Variants in CACNA1B observed in about 807,000 individuals in gnomAD.
The protein encoded by CACNA1B is voltage-dependent N-type calcium channel subunit alpha-1B.
CACNA1B carries 70 observed loss-of-function variants against 247.2 expected under a neutral mutation model. That is an observed-to-expected ratio of 0.28 (90% CI 0.23 to 0.35). The LOEUF (loss-of-function observed/expected upper bound fraction) is 0.35. Ranked by LOEUF, CACNA1B falls within the 10% of genes least tolerant of loss-of-function variation. The pLI, the probability that CACNA1B is intolerant of heterozygous loss-of-function variation, is 1.00. For missense variants in CACNA1B, 2,367 were observed against 3,197.4 expected (o/e 0.74, Z 6.26); for synonymous variants, 1,231 against 1,294.4 (o/e 0.95, Z 1.05).
rs550529703 is a variant in CACNA1B at position 138,069,762 on chromosome 9, C to T, written c.4673C>T (p.Thr1558Met). The change falls in exon 32 of 47, where the codon ACG becomes ATG. Residue 1558 changes from threonine (T) to methionine (M), a missense_variant and splice_region_variant. Around this residue, in one of 12 missense-constraint regions of CACNA1B, gnomAD observed 436 missense variants for 679.5 expected, o/e 0.64. Coordinates refer to ENST00000371372, the MANE Select transcript of CACNA1B (RefSeq NM_000718.4). ...TDILVTEIAE[T>M]NNFINLSFLR... Reference sequence around the variant, plus strand: ...CCATGAAAACATCACATGTAGGAAACGGTTGGTTTCACGACTCTGAACGGT... The same window carrying T: ...CCATGAAAACATCACATGTAGGAAATGGTTGGTTTCACGACTCTGAACGGT... 6.8e-6 allele frequency: 11 copies of T among 1,609,374 alleles called. No individual in the cohort carries two copies. The highest frequency in any genetic ancestry group is 3.3e-5 in the South Asian group (3 of 90,880).
intron 12 of CACNA1B, among the ~76,000 whole-genome samples, chr9:137,978,595 A>G (rs1265242359): frequency 6.6e-6 from 1 of 152,226 alleles, no homozygotes; most frequent in Middle Eastern, 3.2e-3. Context: ...CAGAGTTTAC[A>G]GGAGCCAGAG....
At chr9:137,935,844 G>T (rs556361399) in intron 6 of CACNA1B, among the ~76,000 whole-genome samples, 1 of 151,466 alleles carries the variant, frequency 6.6e-6, no homozygotes, top group African/African-American at 2.4e-5. Context: ...GCATGATCTC[G>T]GCTCACTGCC....
chr9:138,023,523 C>T lies in CACNA1B; in HGVS notation c.2780C>T (p.Ala927Val). Residue 927 changes from alanine (A) to valine (V), a missense_variant, in exon 19 of 47, where the codon GCG becomes GTG. This residue lies in a region of CACNA1B where 631 missense variants were observed against 631.1 expected (regional missense o/e 1.00). Coordinates refer to ENST00000371372, the MANE Select transcript of CACNA1B (RefSeq NM_000718.4). ...RHHRRGSPEE[A>V]AEREPRRHRA... ...CACCGGCGCGGCTCCCCGGAGGAGG[C>T]GGCCGAGCGGGAGCCCCGACGCCAC... The T allele has an allele frequency of 9.3e-7, 1 of 1,074,376 alleles. No homozygotes were observed. Among genetic ancestry groups the T allele is most frequent in the South Asian group, 3.3e-5 (1 of 29,954 alleles). The allele number at this position is 1,074,376 out of a possible 1,614,324, so 66.6% of individuals were successfully genotyped here. A position where few individuals can be genotyped will look rare whatever the true frequency, so the allele number is the denominator to read the frequency against.
chr9:137,926,395 T>C (rs1446156751), intron 6 of CACNA1B, among the ~76,000 whole-genome samples: 1 of 152,216 alleles, frequency 6.6e-6, no homozygotes, highest in African/African-American at 2.4e-5. Context: ...GGCTGAGTAA[T>C]ATTCCATTGT....
intron 6 of CACNA1B, among the ~76,000 whole-genome samples, chr9:137,922,278 C>T (rs1035040727): frequency 6.7e-6 from 1 of 150,034 alleles, no homozygotes; most frequent in Non-Finnish European, 1.5e-5. Context: ...ATCAGCACCA[C>T]GACCGCACAG....
intron 36 of CACNA1B, among the ~76,000 whole-genome samples, chr9:138,081,840 C>T (rs986958805): frequency 2.0e-5 from 3 of 150,896 alleles, no homozygotes; most frequent in African/African-American, 7.4e-5. Flanking sequence ...ATGAATAGAC[C>T]TGTAACGAGT....
chr9:137,900,075 G>A (rs1468426659), intron 3 of CACNA1B, among the ~76,000 whole-genome samples: 1 of 152,160 alleles, frequency 6.6e-6, no homozygotes. Context: ...GAACTGGGGG[G>A]TCCTGTGGGG....
At chr9:137,936,100 G>A (rs542856455) in intron 6 of CACNA1B, among the ~76,000 whole-genome samples, 26 of 152,224 alleles carry the variant, frequency 1.7e-4, no homozygotes, top group South Asian at 4.1e-4. Flanking sequence ...CTTGTGATCC[G>A]CCCGCCTCGG....
intron 3 of CACNA1B, among the ~76,000 whole-genome samples, chr9:137,907,027 G>C (rs1462757292): frequency 6.6e-6 from 1 of 152,180 alleles, no homozygotes; most frequent in Non-Finnish European, 1.5e-5. Flanking sequence ...TGTGGGAGCA[G>C]GTGTCCTGAT....
intron 3 of CACNA1B, among the ~76,000 whole-genome samples, chr9:137,904,162 G>C (rs2133263062): frequency 6.6e-6 from 1 of 152,230 alleles, no homozygotes; most frequent in South Asian, 2.1e-4. Flanking sequence ...CCAGAAGGAA[G>C]CTTTTCAAGC....
chr9:138,051,657 G>A lies in CACNA1B; in HGVS notation c.3711-435G>A, dbSNP rs976745756. ...GATCTGTAGGGCAGAGGCCAGACAGGTCCCCTTTACCTCCCTCTAGCCAGC... is the reference window on the plus strand; with the variant it reads ...GATCTGTAGGGCAGAGGCCAGACAGATCCCCTTTACCTCCCTCTAGCCAGC... On this transcript the variant is annotated intron_variant, in intron 24 of 46. Coordinates refer to ENST00000371372, the MANE Select transcript of CACNA1B (RefSeq NM_000718.4). This position sits in a 1 kb window ranked among gnomAD's most constrained non-coding sequence, Gnocchi z 4.3. Among the ~76,000 whole-genome samples the A allele has an allele frequency of 6.6e-6, 1 of 152,030 alleles. No homozygotes were observed. Among genetic ancestry groups the A allele is most frequent in the Admixed American group, 6.5e-5 (1 of 15,268 alleles).
chr9:138,070,177 T>G (rs1345431575), intron 32 of CACNA1B, among the ~76,000 whole-genome samples: 1 of 152,216 alleles, frequency 6.6e-6, no homozygotes, highest in Non-Finnish European at 1.5e-5. Context: ...ACCTGCTGTG[T>G]CCCCATCAAG....
Position 138,057,716 on chromosome 9 carries a change from A to G in CACNA1B, c.3969-16A>G, listed in dbSNP as rs200887035. Reference sequence around the variant, plus strand: ...TTTTGTCTTTGCCCTCTAACCTCCCATGTTCTCATTCCTAGGGGTCAGTAT... The same window carrying G: ...TTTTGTCTTTGCCCTCTAACCTCCCGTGTTCTCATTCCTAGGGGTCAGTAT... On this transcript the variant is annotated splice_polypyrimidine_tract_variant and intron_variant, in intron 26 of 46. Coordinates refer to ENST00000371372, the MANE Select transcript of CACNA1B (RefSeq NM_000718.4). The surrounding 1 kb of genome is among the most constrained non-coding windows in gnomAD (Gnocchi z 4.0). 6.3e-7 allele frequency: 1 copy of G among 1,598,944 alleles called. No homozygotes were observed. Among genetic ancestry groups the G allele is most frequent in the Non-Finnish European group, 8.6e-7 (1 of 1,167,948 alleles).
At position 138,049,287 on chromosome 9, in the gene CACNA1B, A is replaced by G. The variant is rs762252845; in HGVS notation, c.3682A>G (p.Ser1228Gly). 1.9e-6 allele frequency: 3 copies of G among 1,612,716 alleles called. No individual in the cohort carries two copies. The highest frequency in any genetic ancestry group is 2.5e-6 in the Non-Finnish European group (3 of 1,178,672). The change falls in exon 24 of 47, where the codon AGT (serine) becomes GGT (glycine). Residue 1228 changes from serine to glycine, a missense_variant. Ser to Gly is a moderately conservative substitution (Grantham distance 56). Around this residue, in one of 12 missense-constraint regions of CACNA1B, gnomAD observed 436 missense variants for 679.5 expected, o/e 0.64. Transcript: ENST00000371372. Reference protein sequence around the residue: ...LWNILDFIVVSGALVAFAFSG... With the variant: ...LWNILDFIVVGGALVAFAFSG... ...GAACATTCTGGACTTCATTGTGGTC[A>G]GTGGCGCCCTGGTGGCGTTTGCTTT...
intron 36 of CACNA1B, among the ~76,000 whole-genome samples, chr9:138,094,062 A>G (rs1960972033): frequency 1.3e-5 from 2 of 152,254 alleles, no homozygotes; most frequent in Admixed American, 6.5e-5. Flanking sequence ...ATGTATGAAC[A>G]TTCAATGGAC....
At chr9:138,075,494 C>T (rs550474300) in intron 34 of CACNA1B, among the ~76,000 whole-genome samples, 12 of 152,356 alleles carry the variant, frequency 7.9e-5, no homozygotes, top group African/African-American at 2.9e-4. Context: ...GCTTTGGAGT[C>T]GCTGATGATC....
At chr9:138,089,156 GAGAAGGACACAGC>G (rs1960800278) in intron 36 of CACNA1B, among the ~76,000 whole-genome samples, 1 of 151,730 alleles carries the variant, frequency 6.6e-6, no homozygotes, top group Admixed American at 6.6e-5. Context: ...ATAAAAACCA[GAGAAGGACACAGC>G]AGAAACAGAA....
chr9:138,015,036 G>T (rs148757587), intron 18 of CACNA1B, among the ~76,000 whole-genome samples: 1 of 152,148 alleles, frequency 6.6e-6, no homozygotes, highest in South Asian at 2.1e-4. Context: ...TGATTCCTAC[G>T]CGAGGAAAGA....
At chr9:137,912,769 C>T (rs528846891) in intron 3 of CACNA1B, among the ~76,000 whole-genome samples, 42 of 152,266 alleles carry the variant, frequency 2.8e-4, no homozygotes, top group South Asian at 2.1e-3. Flanking sequence ...TGCTCTCAGT[C>T]TCCACTCCTC....
Sources: allele counts gnomAD v4.1 joint callset (sites outside exome capture counted in the v4.1 genomes callset), GRCh38; gene constraint gnomAD v4.1.1; regional missense constraint gnomAD v4.1.1; non-coding constraint Gnocchi (gnomAD v3.1); transcripts MANE v1.5; gene names NCBI Gene and HGNC (gene_info 2026-07-23, HGNC 2026-07-21).